Variants in SLC44A5 observed in about 807,000 individuals in gnomAD.
SLC44A5 encodes solute carrier family 44 member 5.
Under a neutral mutation model 101.8 loss-of-function variants are expected in SLC44A5, and 57 were observed. The observed-to-expected ratio is 0.56, with a 90% CI of 0.45 to 0.70. The LOEUF is 0.70. SLC44A5 is among the 30% of genes least tolerant of loss of function. The pLI, the probability that SLC44A5 is intolerant of heterozygous loss-of-function variation, is 0.00. For missense variants in SLC44A5, 737 were observed against 853.1 expected, an observed-to-expected ratio of 0.86 and a Z score of 1.70; for synonymous variants, 281 against 290.9, an observed-to-expected ratio of 0.97 and a Z score of 0.35.
At chr1:75,257,538 T>C (rs1169343088) in intron 6 of SLC44A5, among the ~76,000 whole-genome samples, 1 of 152,086 alleles carries the variant, frequency 6.6e-6, no homozygotes, top group Non-Finnish European at 1.5e-5. Flanking sequence ...CTAGAGAGGC[T>C]TTCCGATGCA....
rs188731814 is a variant in SLC44A5, at chr1:75,455,470, C to T, written c.14-58849G>A. Among the ~76,000 whole-genome samples the T allele has an allele frequency of 1.3e-3, 197 of 152,102 alleles. 2 individuals are homozygous for T. The highest frequency in any genetic ancestry group is 4.7e-3 in the African/African-American group (194 of 41,530). On this transcript the variant is annotated intron_variant, in intron 2 of 23. Transcript: ENST00000370859. ...ATTGGCCTTGAGATAAAATTTATGA[C>T]TAAATCCTCAATAGCAATTGCAACA...
intron 1 of SLC44A5, among the ~76,000 whole-genome samples, chr1:75,575,589 G>A (rs918365370): frequency 6.6e-5 from 10 of 152,026 alleles, no homozygotes; most frequent in Admixed American, 5.9e-4. Context: ...TAAAAACTGT[G>A]TTTTTTTAAC....
At chr1:75,591,847 A>T (rs2102112205) in intron 1 of SLC44A5, among the ~76,000 whole-genome samples, 1 of 151,086 alleles carries the variant, frequency 6.6e-6, no homozygotes, top group South Asian at 2.1e-4. Flanking sequence ...TAAAAAAAAA[A>T]CCTCCAAAAA....
the SLC44A5 span, among the ~76,000 whole-genome samples, chr1:75,680,656 G>T: frequency 6.6e-6 from 1 of 150,596 alleles, no homozygotes; most frequent in Non-Finnish European, 1.5e-5. Flanking sequence ...ACAAGAGAAA[G>T]CAGGAAAGAT....
intron 5 of SLC44A5, among the ~76,000 whole-genome samples, chr1:75,285,846 T>C (rs969899417): frequency 6.6e-6 from 1 of 152,096 alleles, no homozygotes; most frequent in Non-Finnish European, 1.5e-5. Flanking sequence ...CTAGATATAA[T>C]TTTGATTTTC....
chr1:75,694,895 G>A, the SLC44A5 span, among the ~76,000 whole-genome samples: 13 of 152,136 alleles, frequency 8.5e-5, no homozygotes, highest in African/African-American at 3.1e-4. Context: ...GGTTAAAAGC[G>A]AAGTTGGTTG....
intron 3 of SLC44A5, among the ~76,000 whole-genome samples, chr1:75,395,918 T>C (rs1243670038): frequency 6.6e-6 from 1 of 152,128 alleles, no homozygotes; most frequent in Non-Finnish European, 1.5e-5. Context: ...CGAGTAAAAG[T>C]ACTTATTTAT....
intron 3 of SLC44A5, among the ~76,000 whole-genome samples, chr1:75,354,491 C>G (rs1658922365): frequency 6.6e-6 from 1 of 152,190 alleles, no homozygotes; most frequent in African/African-American, 2.4e-5. Flanking sequence ...CCTTTCAACC[C>G]CCACATCCTC....
chr1:75,567,155 A>G (rs556064104), intron 1 of SLC44A5, among the ~76,000 whole-genome samples: 1 of 150,418 alleles, frequency 6.6e-6, no homozygotes, highest in Admixed American at 6.6e-5. Flanking sequence ...ACAGAGCCAT[A>G]CTGCTTCTGC....
intron 2 of SLC44A5, among the ~76,000 whole-genome samples, chr1:75,397,458 A>C (rs879309023): frequency 2.6e-5 from 4 of 152,154 alleles, no homozygotes; most frequent in Non-Finnish European, 5.9e-5. Flanking sequence ...TAACAGTAGC[A>C]AATCATTGAG....
chr1:75,267,829 C>T (rs1039319921), intron 6 of SLC44A5, among the ~76,000 whole-genome samples: 1 of 152,074 alleles, frequency 6.6e-6, no homozygotes, highest in Non-Finnish European at 1.5e-5. Flanking sequence ...CCTCGGCTTC[C>T]CAAAGGGCTA....
chr1:75,718,002 T>C, the SLC44A5 span, among the ~76,000 whole-genome samples: 1 of 152,218 alleles, frequency 6.6e-6, no homozygotes, highest in Non-Finnish European at 1.5e-5. Flanking sequence ...GAGGCTTTTT[T>C]ACAAAATGAT....
intron 3 of SLC44A5, among the ~76,000 whole-genome samples, chr1:75,388,628 A>G (rs1320391284): frequency 6.6e-6 from 1 of 152,036 alleles, no homozygotes; most frequent in Non-Finnish European, 1.5e-5. Context: ...ATAATACAAA[A>G]ATTAGCCAGG....
chr1:75,394,779 A>G (rs1662021567), intron 3 of SLC44A5, among the ~76,000 whole-genome samples: 1 of 152,128 alleles, frequency 6.6e-6, no homozygotes, highest in Non-Finnish European at 1.5e-5. Context: ...GGAGTGAATG[A>G]ACCAAAAAGA....
chr1:75,609,790 G>A (rs1025069447), intron 1 of SLC44A5, among the ~76,000 whole-genome samples: 4 of 152,060 alleles, frequency 2.6e-5, no homozygotes, highest in African/African-American at 7.2e-5. Context: ...TTTCATGATA[G>A]AGGTGCAAAA....
intron 2 of SLC44A5, among the ~76,000 whole-genome samples, chr1:75,537,090 C>T (rs181992298): frequency 3.5e-4 from 46 of 131,858 alleles, no homozygotes; most frequent in Non-Finnish European, 5.4e-4. Context: ...ACTTAAGTAA[C>T]ATGCCAGTGT....
At chr1:75,677,971 T>A in the SLC44A5 span, 1 of 187,612 alleles carries the variant, frequency 5.3e-6, no homozygotes, top group Non-Finnish European at 1.1e-5. Flanking sequence ...GGTCAGGGAG[T>A]TCCCTTTCCT....
chr1:75,333,919 A>G (rs1388582213), intron 4 of SLC44A5, among the ~76,000 whole-genome samples: 1 of 152,160 alleles, frequency 6.6e-6, no homozygotes, highest in Non-Finnish European at 1.5e-5. Context: ...AGTTCTTTCC[A>G]TTCCTCAAAC....
chr1:75,309,418 C>A (rs1655136510), intron 4 of SLC44A5, among the ~76,000 whole-genome samples: 4 of 152,008 alleles, frequency 2.6e-5, no homozygotes, highest in Admixed American at 2.6e-4. Flanking sequence ...CAGAGCGAGA[C>A]CATTGCCTCT....
Sources: gnomAD v4.1 joint callset for allele counts (sites outside exome capture counted in the v4.1 genomes callset) on GRCh38, gnomAD v4.1.1 for gene constraint, MANE v1.5 for transcripts, NCBI Gene and HGNC (gene_info 2026-07-23, HGNC 2026-07-21) for gene names.